PCDHA1: variants seen among roughly 807,000 people sequenced by gnomAD.
PCDHA1 encodes the protein protocadherin alpha-1.
PCDHA1 carries 42 observed loss-of-function variants against 61.3 expected under a neutral mutation model. The observed-to-expected ratio is 0.69, with a 90% CI of 0.54 to 0.89. The LOEUF is 0.89. Among genes scored for constraint, PCDHA1 ranks in the 40% least tolerant of loss-of-function variants. The probability of loss-of-function intolerance (pLI) is 0.00; values close to 1 mark genes in which losing one functional copy is unlikely to be tolerated. For synonymous variants in PCDHA1, 610 were observed against 553.8 expected (o/e 1.10, Z -1.43); for missense variants, 1,256 against 1,235.3 (o/e 1.02, Z -0.25).
chr5:140,924,736 A>C (rs1554202112), intron 1 of PCDHA1, among the ~76,000 whole-genome samples: 1 of 151,866 alleles, frequency 6.6e-6, no homozygotes, highest in Non-Finnish European at 1.5e-5. Flanking sequence ...CTCTAATAAA[A>C]ATACAAAAAT....
At chr5:140,882,988 G>A (rs782434208) in intron 1 of PCDHA1, 4 of 1,614,080 alleles carry the variant, frequency 2.5e-6, no homozygotes, top group Non-Finnish European at 3.4e-6. Context: ...ACAACGCCCC[G>A]GAATTTTACC....
At chr5:140,832,017 G>A (rs2150199162) in intron 1 of PCDHA1, among the ~76,000 whole-genome samples, 8 of 152,272 alleles carry the variant, frequency 5.3e-5, no homozygotes, top group African/African-American at 1.9e-4. Context: ...TTTACGTAAA[G>A]ATTGAATTTT....
intron 1 of PCDHA1, chr5:140,807,282 A>C: frequency 6.2e-7 from 1 of 1,614,210 alleles, no homozygotes; most frequent in Non-Finnish European, 8.5e-7. Flanking sequence ...GGTCAGCTCC[A>C]CTACTCGGTC....
rs781820550 is a variant in PCDHA1, at chr5:140,869,927, G to A, written c.2394+81243G>A. 14 of 1,611,538 alleles carry A rather than the reference G, an allele frequency of 8.7e-6. No individual in the cohort carries two copies. The East Asian group carries it at 2.5e-4, about 28-fold the overall frequency. On this transcript the variant is annotated intron_variant, in intron 1 of 3. Coordinates refer to ENST00000504120, the MANE Select transcript of PCDHA1 (RefSeq NM_018900.4). ...ACAGACCGAGACGAAGGAGTCAATG[G>A]AGAGGTAACATACTCCTTAATGTCA...
rs548394870 is a variant in PCDHA1 at position 140,927,042 on chromosome 5, G to A, written c.2395-51907G>A. ...ACTTGAGGCTGCCAGCGGCCGCTATGTCCTCGCGGAACTTTCGCTTCCTTT... is the reference window on the plus strand; with the variant it reads ...ACTTGAGGCTGCCAGCGGCCGCTATATCCTCGCGGAACTTTCGCTTCCTTT... On this transcript the variant is annotated intron_variant, in intron 1 of 3. Transcript: ENST00000504120. The A allele has an allele frequency of 1.4e-4, 226 of 1,612,386 alleles. 8 individuals are homozygous for A. The South Asian group carries it at 2.4e-3, about 17-fold the overall frequency.
At chr5:140,903,942 A>G (rs1279645269) in intron 1 of PCDHA1, among the ~76,000 whole-genome samples, 5 of 152,212 alleles carry the variant, frequency 3.3e-5, no homozygotes, top group African/African-American at 1.2e-4. Flanking sequence ...TACCTCTTAA[A>G]TACTGGAAAA....
intron 3 of PCDHA1, among the ~76,000 whole-genome samples, chr5:141,002,613 A>G (rs1587992392): frequency 1.3e-5 from 2 of 152,206 alleles, no homozygotes; most frequent in African/African-American, 4.8e-5. Context: ...AAACAGACAC[A>G]TAACACAGAC....
intron 1 of PCDHA1, among the ~76,000 whole-genome samples, chr5:140,962,145 G>A (rs1195781182): frequency 3.3e-5 from 5 of 152,074 alleles, no homozygotes; most frequent in Non-Finnish European, 7.4e-5. Flanking sequence ...AAAGTGCTGG[G>A]ATTACAGGCG....
rs892297422 is a variant in PCDHA1, at chr5:140,851,955, G to T, written c.2394+63271G>T. The T allele has an allele frequency of 3.1e-6, 3 of 975,116 alleles. 1 individual carries two copies. Among genetic ancestry groups the T allele is most frequent in the Non-Finnish European group, 3.7e-6 (3 of 807,888 alleles). The allele number at this position is 975,116 out of a possible 1,614,324, so 60.4% of individuals were successfully genotyped here. A position where few individuals can be genotyped will look rare whatever the true frequency, so the allele number is the denominator to read the frequency against. On this transcript the variant is annotated intron_variant, in intron 1 of 3. Transcript: ENST00000504120. Reference sequence around the variant, plus strand: ...ATTGTAGTATGTGACTTTCAAAATGGTGGTTTTCCACACTCTACCTTTAGT... The same window carrying T: ...ATTGTAGTATGTGACTTTCAAAATGTTGGTTTTCCACACTCTACCTTTAGT...
intron 1 of PCDHA1, among the ~76,000 whole-genome samples, chr5:140,960,124 T>C (rs966679082): frequency 3.3e-5 from 5 of 152,216 alleles, no homozygotes; most frequent in African/African-American, 1.2e-4. Flanking sequence ...GTATTCCTTA[T>C]GAAATACTTA....
intron 1 of PCDHA1, chr5:140,842,083 C>T (rs2150328949): frequency 1.3e-4 from 212 of 1,613,806 alleles, no homozygotes; most frequent in East Asian, 1.3e-3. Context: ...TATTCGAAAA[C>T]GCAGACAACG....
intron 3 of PCDHA1, among the ~76,000 whole-genome samples, chr5:141,001,563 C>A (rs531745574): frequency 6.6e-6 from 1 of 152,296 alleles, no homozygotes; most frequent in South Asian, 2.1e-4. Context: ...GACCACGATT[C>A]TCCTGTGTTT....
intron 3 of PCDHA1, among the ~76,000 whole-genome samples, chr5:140,997,598 TG>T (rs1182118908): frequency 6.6e-5 from 10 of 152,124 alleles, no homozygotes; most frequent in Admixed American, 2.0e-4. Context: ...AACATGATTA[TG>T]GGGCGCATGA....
chr5:140,879,943 G>C (rs1554171086), intron 1 of PCDHA1, among the ~76,000 whole-genome samples: 1 of 152,078 alleles, frequency 6.6e-6, no homozygotes, highest in Non-Finnish European at 1.5e-5. Flanking sequence ...ATTGTATTTA[G>C]GGCCCATCTG....
rs782447272 is a variant in PCDHA1 at position 140,797,389 on chromosome 5, G to C, written c.2394+8705G>C. 33 of 1,585,344 alleles carry C rather than the reference G, an allele frequency of 2.1e-5. No homozygotes were observed. The South Asian group carries it at 3.2e-4, about 15-fold the overall frequency. On this transcript the variant is annotated intron_variant, in intron 1 of 3. Coordinates refer to ENST00000504120, the MANE Select transcript of PCDHA1 (RefSeq NM_018900.4). Reference sequence around the variant, plus strand: ...ACTTTTTCTTGCCAATTCTAAAATTGTTCTTTTTAAAAAATTCTATATGAT... The same window carrying C: ...ACTTTTTCTTGCCAATTCTAAAATTCTTCTTTTTAAAAAATTCTATATGAT...
intron 1 of PCDHA1, chr5:140,795,586 G>A: frequency 6.2e-7 from 1 of 1,614,206 alleles, no homozygotes; most frequent in African/African-American, 1.3e-5. Flanking sequence ...AACTGCTGAG[G>A]TTAATTTGTT....
intron 1 of PCDHA1, chr5:140,877,370 C>G (rs781905172): frequency 6.2e-7 from 1 of 1,614,004 alleles, no homozygotes; most frequent in Admixed American, 1.7e-5. Context: ...GAGATCAGCA[C>G]GACACGCATC....
At chr5:140,968,152 C>A (rs782362724) in intron 1 of PCDHA1, 6 of 1,614,054 alleles carry the variant, frequency 3.7e-6, no homozygotes, top group Non-Finnish European at 1.7e-6. Flanking sequence ...TCTCTGACAT[C>A]AATGACAATC....
chr5:140,936,113 G>T (rs1316824905), intron 1 of PCDHA1, among the ~76,000 whole-genome samples: 1 of 151,964 alleles, frequency 6.6e-6, no homozygotes, highest in African/African-American at 2.4e-5. Flanking sequence ...GGCTGGTCTC[G>T]AACTCCTGAC....
Sources: allele counts gnomAD v4.1 joint callset (sites outside exome capture counted in the v4.1 genomes callset), GRCh38; gene constraint gnomAD v4.1.1; transcripts MANE v1.5; gene names NCBI Gene and HGNC (gene_info 2026-07-23, HGNC 2026-07-21).